Variants in SEM1 observed in about 807,000 individuals in gnomAD.
SEM1 encodes the protein 26S proteasome complex subunit SEM1.
A neutral mutation model predicts 12.7 loss-of-function variants in SEM1; 3 were observed. The observed-to-expected ratio is 0.24, with a 90% confidence interval of 0.11 to 0.61. The LOEUF is 0.61. Ranked by LOEUF, SEM1 falls within the 20% of genes least tolerant of loss-of-function variation. The pLI is 0.88. For missense variants in SEM1, 59 were observed against 81.3 expected, an observed-to-expected ratio of 0.73 and a Z score of 1.06; for synonymous variants, 30 against 27.8, an observed-to-expected ratio of 1.08 and a Z score of -0.25.
chr7:96,620,216 A>T (rs2116277273), downstream of SEM1, among the ~76,000 whole-genome samples: 1 of 152,050 alleles, frequency 6.6e-6, no homozygotes, highest in East Asian at 2.0e-4. Flanking sequence ...CCTCCCAGGC[A>T]AGCAGTGTAG....
chr7:96,506,231 C>T (rs78555193), intron 3 of SEM1, among the ~76,000 whole-genome samples: 3,321 of 152,054 alleles, frequency 0.022, 115 homozygotes, highest in African/African-American at 0.076. Context: ...GCCACTTCTC[C>T]GAAGACCTCT....
intron 1 of SEM1, among the ~76,000 whole-genome samples, chr7:96,702,979 A>C (rs1270120713): frequency 1.3e-5 from 2 of 152,232 alleles, no homozygotes; most frequent in Admixed American, 1.3e-4. Flanking sequence ...TAGACTAAGG[A>C]AGACTAAAGA....
chr7:96,682,203 T>C (rs955007921), intron 2 of SEM1, among the ~76,000 whole-genome samples: 9 of 152,132 alleles, frequency 5.9e-5, no homozygotes, highest in African/African-American at 1.9e-4. Flanking sequence ...TCTTGGTGTA[T>C]AGGAATGCTT....
downstream of SEM1, among the ~76,000 whole-genome samples, chr7:96,670,993 G>T (rs1212009736): frequency 1.3e-5 from 2 of 152,188 alleles, no homozygotes; most frequent in African/African-American, 4.8e-5. Context: ...TGTCAAATCA[G>T]TACAACTGCT....
intron 2 of SEM1, among the ~76,000 whole-genome samples, chr7:96,691,366 T>C (rs1563115062): frequency 6.6e-6 from 1 of 152,194 alleles, no homozygotes; most frequent in East Asian, 1.9e-4. Flanking sequence ...ACTTAAACGT[T>C]ATAATAACTC....
chr7:96,556,248 T>G (rs1224241483), intron 2 of SEM1, among the ~76,000 whole-genome samples: 1 of 151,514 alleles, frequency 6.6e-6, no homozygotes, highest in Non-Finnish European at 1.5e-5. Context: ...GTTAGCTGGT[T>G]ATTTTGCTCG....
chr7:96,525,996 A>G (rs1411251837), intron 2 of SEM1, among the ~76,000 whole-genome samples: 2 of 152,122 alleles, frequency 1.3e-5, no homozygotes, highest in Non-Finnish European at 2.9e-5. Context: ...AATGTATTCT[A>G]GTATATTCAC....
At chr7:96,535,764 T>A (rs928002458) in intron 2 of SEM1, among the ~76,000 whole-genome samples, 5 of 151,974 alleles carry the variant, frequency 3.3e-5, no homozygotes, top group Non-Finnish European at 5.9e-5. Flanking sequence ...TCCAACTACA[T>A]CCGTGTTGCT....
chr7:96,562,797 C>T (rs1027643708), intron 2 of SEM1, among the ~76,000 whole-genome samples: 1 of 152,102 alleles, frequency 6.6e-6, no homozygotes, highest in African/African-American at 2.4e-5. Context: ...TAGGTAGGAG[C>T]CAGACCAGGT....
intron 2 of SEM1, among the ~76,000 whole-genome samples, chr7:96,676,717 C>T (rs1328727011): frequency 1.3e-5 from 2 of 152,080 alleles, no homozygotes; most frequent in Admixed American, 1.3e-4. Flanking sequence ...TTACATTTCC[C>T]ATATCTTTTT....
chr7:96,629,729 G>A (rs1026791069), intron 2 of SEM1, among the ~76,000 whole-genome samples: 2 of 152,236 alleles, frequency 1.3e-5, no homozygotes, highest in East Asian at 3.9e-4. Context: ...GAAGAGTTAG[G>A]TATTCATTGT....
chr7:96,566,216 CT>C (rs1397384975), intron 2 of SEM1, among the ~76,000 whole-genome samples: 3 of 151,608 alleles, frequency 2.0e-5, no homozygotes, highest in Non-Finnish European at 4.4e-5. Flanking sequence ...TCCTTGTTCC[CT>C]GGTTACCTTA....
chr7:96,495,405 TC>T (rs1563028800), intron 1 of SEM1, among the ~76,000 whole-genome samples: 1 of 152,182 alleles, frequency 6.6e-6, no homozygotes, highest in Non-Finnish European at 1.5e-5. Context: ...CTCTTCTAAT[TC>T]CTGTTAATGC....
intron 2 of SEM1, among the ~76,000 whole-genome samples, chr7:96,663,852 A>C (rs1789083751): frequency 6.6e-6 from 1 of 152,256 alleles, no homozygotes. Flanking sequence ...CAAAAGACAA[A>C]GCAGGCGTTT....
rs566540906 is a variant in SEM1 at position 96,507,213 on chromosome 7, AAT to A, written c.171-517_171-516del. On this transcript the variant is annotated intron_variant and NMD_transcript_variant, in intron 2 of 3. Coordinates refer to the SEM1 transcript ENST00000466986. ...GCCTGCTCCATTTTTTAAGGTAAAG[AAT>A]ATATATAATGTTTTCAAATGTGTGT... Among the ~76,000 whole-genome samples, 415 of 152,188 alleles carry A rather than the reference AAT, an allele frequency of 2.7e-3. 6 individuals are homozygous for A. Among genetic ancestry groups the A allele is most frequent in the Admixed American group, 0.025 (378 of 15,258 alleles).
At chr7:96,558,574 T>G (rs1387544078) in intron 2 of SEM1, among the ~76,000 whole-genome samples, 1 of 152,116 alleles carries the variant, frequency 6.6e-6, no homozygotes, top group Non-Finnish European at 1.5e-5. Flanking sequence ...ATGGCCTAGT[T>G]GTTTCTTAAA....
chr7:96,593,023 C>T (rs578065130), intron 2 of SEM1, among the ~76,000 whole-genome samples: 4 of 135,970 alleles, frequency 2.9e-5, no homozygotes, highest in African/African-American at 8.3e-5. Flanking sequence ...AAAAAAAAGG[C>T]ACACTTTCTT....
At chr7:96,523,947 T>C (rs1351218287) in intron 2 of SEM1, among the ~76,000 whole-genome samples, 1 of 152,156 alleles carries the variant, frequency 6.6e-6, no homozygotes, top group Non-Finnish European at 1.5e-5. Context: ...GTTGCTTTCA[T>C]TGTGATCTTC....
At chr7:96,524,688 T>C (rs1428298251) in intron 2 of SEM1, among the ~76,000 whole-genome samples, 1 of 152,000 alleles carries the variant, frequency 6.6e-6, no homozygotes. Context: ...CATTATGTAG[T>C]CAACATAAAA....
Sources: gnomAD v4.1 joint callset for allele counts (sites outside exome capture counted in the v4.1 genomes callset) on GRCh38, gnomAD v4.1.1 for gene constraint, MANE v1.5 for transcripts, NCBI Gene and HGNC (gene_info 2026-07-23, HGNC 2026-07-21) for gene names.